Variants in HS6ST3 observed in about 807,000 individuals in gnomAD.
HS6ST3 encodes the protein heparan sulfate 6-O-sulfotransferase 3, also known as heparan-sulfate 6-O-sulfotransferase 3.
A neutral mutation model predicts 36.7 loss-of-function variants in HS6ST3; 12 were observed. That is an observed-to-expected ratio of 0.33 (90% CI 0.21 to 0.53). HS6ST3 has a LOEUF of 0.53. Among genes scored for constraint, HS6ST3 ranks in the 20% least tolerant of loss-of-function variants. HS6ST3 has a pLI of 0.95. For missense variants in HS6ST3, 584 were observed against 640.9 expected (o/e 0.91, Z 0.96); for synonymous variants, 240 against 257.5 (o/e 0.93, Z 0.65).
chr13:96,629,116 T>C (rs1045007210), intron 1 of HS6ST3, among the ~76,000 whole-genome samples: 1 of 152,196 alleles, frequency 6.6e-6, no homozygotes, highest in Non-Finnish European at 1.5e-5. Context: ...ACTGTGGATA[T>C]GCTAAAATGC....
At chr13:96,676,430 C>T (rs1333319430) in intron 1 of HS6ST3, among the ~76,000 whole-genome samples, 3 of 152,110 alleles carry the variant, frequency 2.0e-5, no homozygotes, top group Non-Finnish European at 4.4e-5. Context: ...AGGGTGAAAA[C>T]ACCATCATTG....
At chr13:96,474,589 C>G (rs969836215) in intron 1 of HS6ST3, among the ~76,000 whole-genome samples, 3 of 142,422 alleles carry the variant, frequency 2.1e-5, no homozygotes, top group Non-Finnish European at 4.6e-5. Context: ...ATTTGCTATA[C>G]AGTAATAAGA....
At chr13:96,447,440 G>T (rs732104) in intron 1 of HS6ST3, among the ~76,000 whole-genome samples, 2 of 152,036 alleles carry the variant, frequency 1.3e-5, no homozygotes, top group East Asian at 1.9e-4. Context: ...AAGGGGTCCT[G>T]GGGAAGTTTT....
rs141697215 is a variant in HS6ST3 at position 96,137,682 on chromosome 13, T to C, written c.707+46113T>C. On this transcript the variant is annotated intron_variant, in intron 1 of 1. Transcript: ENST00000376705. ...CTCCTGACCCATGATCCACCCACGT[T>C]GGCCTCCCAAAGTACTGGGATTACA... is the stretch of plus-strand genomic sequence containing the variant. Among the ~76,000 whole-genome samples the C allele has an allele frequency of 9.6e-3, 1,469 of 152,266 alleles. 6 individuals are homozygous for C. The highest frequency in any genetic ancestry group is 0.015 in the Non-Finnish European group (1,039 of 68,008).
intron 1 of HS6ST3, among the ~76,000 whole-genome samples, chr13:96,505,262 G>T (rs879680051): frequency 6.6e-6 from 1 of 152,120 alleles, no homozygotes; most frequent in Non-Finnish European, 1.5e-5. Context: ...ATATGAACAG[G>T]CAGTCTTCCA....
chr13:96,599,646 A>G (rs1487093242), intron 1 of HS6ST3, among the ~76,000 whole-genome samples: 1 of 150,280 alleles, frequency 6.7e-6, no homozygotes, highest in Non-Finnish European at 1.5e-5. Flanking sequence ...TGCTGGTCTC[A>G]TCTTTGTTGT....
intron 1 of HS6ST3, among the ~76,000 whole-genome samples, chr13:96,493,860 T>C (rs2055958971): frequency 6.6e-6 from 1 of 152,202 alleles, no homozygotes; most frequent in African/African-American, 2.4e-5. Flanking sequence ...ATATTTCACA[T>C]TTTAAAACAA....
chr13:96,228,108 C>T (rs2054489964), intron 1 of HS6ST3, among the ~76,000 whole-genome samples: 1 of 152,022 alleles, frequency 6.6e-6, no homozygotes, highest in Non-Finnish European at 1.5e-5. Context: ...GCTTTGTGGG[C>T]CATATATTCT....
chr13:96,810,876 C>T (rs569564735), intron 1 of HS6ST3, among the ~76,000 whole-genome samples: 66 of 152,256 alleles, frequency 4.3e-4, no homozygotes, highest in African/African-American at 1.5e-3. Flanking sequence ...TTTTCTTTTA[C>T]TTGTGTTAGT....
chr13:96,132,877 T>C (rs1278243185), intron 1 of HS6ST3, among the ~76,000 whole-genome samples: 1 of 152,226 alleles, frequency 6.6e-6, no homozygotes, highest in Non-Finnish European at 1.5e-5. Flanking sequence ...CGATTAGTAA[T>C]GTGGAGCATT....
intron 1 of HS6ST3, among the ~76,000 whole-genome samples, chr13:96,636,201 GACTGGCAAAACACAAAAAGCTTTAAA>G (rs2056549265): frequency 6.6e-6 from 1 of 152,090 alleles, no homozygotes; most frequent in African/African-American, 2.4e-5. Flanking sequence ...ATGTGCTTCT[GACTGGCAAAACACAAAAAGCTTTAAA>G]AAGTGAGAAA....
intron 1 of HS6ST3, among the ~76,000 whole-genome samples, chr13:96,774,292 C>A (rs1238095085): frequency 6.6e-6 from 1 of 152,132 alleles, no homozygotes; most frequent in Non-Finnish European, 1.5e-5. Context: ...GATCACAACT[C>A]CTTGCCAGAA....
At chr13:96,200,266 G>A (rs1278865367) in intron 1 of HS6ST3, among the ~76,000 whole-genome samples, 1 of 152,128 alleles carries the variant, frequency 6.6e-6, no homozygotes, top group African/African-American at 2.4e-5. Context: ...ACCCTGCAAT[G>A]GCTCTCGAGG....
chr13:96,698,590 T>C (rs1875196305), intron 1 of HS6ST3, among the ~76,000 whole-genome samples: 1 of 152,042 alleles, frequency 6.6e-6, no homozygotes, highest in South Asian at 2.1e-4. Context: ...TGCAAACCAT[T>C]GATCAATAAA....
At chr13:96,823,858 C>A (rs562376276) in intron 1 of HS6ST3, among the ~76,000 whole-genome samples, 10 of 152,222 alleles carry the variant, frequency 6.6e-5, no homozygotes, top group Middle Eastern at 3.4e-3. Flanking sequence ...CTCAAGTGAT[C>A]CTCCTGCCTC....
chr13:96,252,997 A>T (rs548845039), intron 1 of HS6ST3, among the ~76,000 whole-genome samples: 13 of 152,180 alleles, frequency 8.5e-5, no homozygotes, highest in Non-Finnish European at 1.6e-4. Flanking sequence ...GTATTTCTTT[A>T]TAACAACGCA....
intron 1 of HS6ST3, among the ~76,000 whole-genome samples, chr13:96,102,556 A>G (rs1022803408): frequency 2.6e-5 from 4 of 152,218 alleles, no homozygotes; most frequent in Non-Finnish European, 5.9e-5. Flanking sequence ...ACTGAGGCCT[A>G]AAACACCACT....
chr13:96,166,416 T>C (rs543038336), intron 1 of HS6ST3, among the ~76,000 whole-genome samples: 2 of 152,286 alleles, frequency 1.3e-5, no homozygotes, highest in South Asian at 4.1e-4. Context: ...ACATTCTCTC[T>C]CCTCTAAGCC....
At chr13:96,351,017 T>A (rs549302160) in intron 1 of HS6ST3, among the ~76,000 whole-genome samples, 2 of 152,350 alleles carry the variant, frequency 1.3e-5, no homozygotes, top group South Asian at 4.1e-4. Context: ...TAAGACATTA[T>A]TCCCTTTTAA....
Sources: allele counts gnomAD v4.1 joint callset (sites outside exome capture counted in the v4.1 genomes callset), GRCh38; gene constraint gnomAD v4.1.1; transcripts MANE v1.5; gene names NCBI Gene and HGNC (gene_info 2026-07-23, HGNC 2026-07-21).